ITGA8: variants seen among roughly 807,000 people sequenced by gnomAD.
ITGA8 encodes integrin alpha-8.
In ITGA8, 91 loss-of-function variants were observed where a neutral mutation model predicts 142.3. The ratio of observed to expected loss-of-function variants is 0.64; its 90% CI spans 0.54 to 0.76. The LOEUF (loss-of-function observed/expected upper bound fraction) is 0.76, where lower values mean the gene tolerates loss of function less well. Among genes scored for constraint, ITGA8 ranks in the 30% least tolerant of loss-of-function variants. The probability of loss-of-function intolerance (pLI) is 0.00; values close to 1 mark genes in which losing one functional copy is unlikely to be tolerated. For synonymous variants in ITGA8, 505 were observed against 485.2 expected, an observed-to-expected ratio of 1.04 and a Z score of -0.54; for missense variants, 1,406 against 1,327.7, an observed-to-expected ratio of 1.06 and a Z score of -0.92.
intron 11 of ITGA8, among the ~76,000 whole-genome samples, chr10:15,652,056 C>G (rs1407014050): frequency 6.6e-6 from 1 of 152,138 alleles, no homozygotes; most frequent in Non-Finnish European, 1.5e-5. Flanking sequence ...AAATAGTATG[C>G]ATAGCAATTT....
chr10:15,557,982 A>C (rs1454375024), intron 26 of ITGA8, 92 bp downstream of exon 26: 2 of 1,499,148 alleles, frequency 1.3e-6, no homozygotes, highest in Non-Finnish European at 1.8e-6. Flanking sequence ...AAGGAGACCA[A>C]GAACAATCCT....
intron 29 of ITGA8, 21 bp from the exon 30 acceptor site, chr10:15,517,265 T>C: frequency 6.5e-7 from 1 of 1,527,886 alleles, no homozygotes; most frequent in South Asian, 1.2e-5. Flanking sequence ...AAAGATGGGC[T>C]ATAAAATCAC....
intron 24 of ITGA8, among the ~76,000 whole-genome samples, chr10:15,574,233 T>C (rs1422278977): frequency 6.6e-6 from 1 of 152,262 alleles, no homozygotes; most frequent in Non-Finnish European, 1.5e-5. Context: ...CATCAGCTCC[T>C]TTTTATGCAT....
chr10:15,615,035 A>G (rs1833367635), intron 14 of ITGA8, among the ~76,000 whole-genome samples: 1 of 152,194 alleles, frequency 6.6e-6, no homozygotes, highest in Admixed American at 6.5e-5. Context: ...AGAGTCCTTG[A>G]GCCAAATTTG....
intron 20 of ITGA8, 137 bp downstream of exon 20, chr10:15,604,071 A>G (rs1054982078): frequency 1.3e-6 from 1 of 757,256 alleles, no homozygotes; most frequent in Non-Finnish European, 2.2e-6. Flanking sequence ...CATTGCTGTT[A>G]TGATTTAACA....
At chr10:15,618,164 T>C (rs1384660591) in intron 13 of ITGA8, among the ~76,000 whole-genome samples, 3 of 152,118 alleles carry the variant, frequency 2.0e-5, no homozygotes, top group Admixed American at 1.3e-4. Context: ...GCTAGAAGCC[T>C]AAACCCCTTT....
intron 4 of ITGA8, 78 bp downstream of exon 4, chr10:15,683,926 T>C (rs1386628582): frequency 6.5e-7 from 1 of 1,545,710 alleles, no homozygotes; most frequent in African/African-American, 1.4e-5. Context: ...CAATGGTGTT[T>C]TGAGCCTACC....
intron 23 of ITGA8, among the ~76,000 whole-genome samples, chr10:15,585,974 G>T (rs1307666761): frequency 6.8e-6 from 1 of 147,834 alleles, no homozygotes; most frequent in Non-Finnish European, 1.5e-5. Flanking sequence ...TCACATGGTT[G>T]TCTATTTTAT....
chr10:15,668,331 A>G (rs1834437590), intron 8 of ITGA8, among the ~76,000 whole-genome samples: 1 of 151,840 alleles, frequency 6.6e-6, no homozygotes, highest in African/African-American at 2.4e-5. Flanking sequence ...ATCAGAGACT[A>G]GGATTGCAAC....
rs546925735 is a variant in ITGA8, at chr10:15,649,701, C to T, written c.1002-2650G>A. Reference sequence around the variant, plus strand: ...TGGCAAGCAAGCTTATCAGAAGACACTCAATATAATATGTCGTTAGGAATT... The same window carrying T: ...TGGCAAGCAAGCTTATCAGAAGACATTCAATATAATATGTCGTTAGGAATT... On this transcript the variant is annotated intron_variant, in intron 11 of 29. Coordinates refer to ENST00000378076, the MANE Select transcript of ITGA8 (RefSeq NM_003638.3). Among the ~76,000 whole-genome samples, 7 of 151,532 alleles carry T rather than the reference C, an allele frequency of 4.6e-5. No homozygotes were observed. In the South Asian group the frequency reaches 1.3e-3, roughly 27 times the overall value.
chr10:15,656,514 C>T (rs932343509), intron 10 of ITGA8, among the ~76,000 whole-genome samples: 1 of 151,982 alleles, frequency 6.6e-6, no homozygotes, highest in Non-Finnish European at 1.5e-5. Flanking sequence ...CAGGTACCTG[C>T]CACCATGCCC....
chr10:15,659,421 C>A (rs1372255898), intron 9 of ITGA8, among the ~76,000 whole-genome samples: 1 of 152,154 alleles, frequency 6.6e-6, no homozygotes, highest in Non-Finnish European at 1.5e-5. Flanking sequence ...CATTATGGTT[C>A]TTTGCAAGAA....
intron 23 of ITGA8, among the ~76,000 whole-genome samples, chr10:15,581,373 T>C (rs560933153): frequency 4.6e-5 from 7 of 152,332 alleles, no homozygotes; most frequent in South Asian, 4.1e-4. Flanking sequence ...GGGAGAAGGA[T>C]GGAAACCCTG....
At chr10:15,688,256 A>G (rs1834868623) in intron 2 of ITGA8, among the ~76,000 whole-genome samples, 1 of 149,770 alleles carries the variant, frequency 6.7e-6, no homozygotes, top group Non-Finnish European at 1.5e-5. Flanking sequence ...GAAGTTCAAT[A>G]TCAGCCTGGG....
At chr10:15,594,047 G>A (rs1176030690) in intron 21 of ITGA8, among the ~76,000 whole-genome samples, 9 of 151,780 alleles carry the variant, frequency 5.9e-5, no homozygotes, top group African/African-American at 1.2e-4. Flanking sequence ...TCATCTTGTT[G>A]GCCAGGCTGG....
chr10:15,666,103 T>C (rs1010820047), intron 8 of ITGA8, among the ~76,000 whole-genome samples: 7 of 152,236 alleles, frequency 4.6e-5, no homozygotes, highest in African/African-American at 1.7e-4. Flanking sequence ...ATAAATTACC[T>C]TGGGCAGTAT....
intron 28 of ITGA8, among the ~76,000 whole-genome samples, chr10:15,528,618 A>G (rs1833225353): frequency 1.3e-5 from 2 of 150,696 alleles, no homozygotes; most frequent in Admixed American, 6.7e-5. Context: ...GCAGGCTGTC[A>G]CCTGTGGCCA....
intron 13 of ITGA8, among the ~76,000 whole-genome samples, chr10:15,636,872 C>T (rs930501349): frequency 2.6e-5 from 4 of 152,304 alleles, no homozygotes; most frequent in African/African-American, 9.6e-5. Context: ...AGGTCGGCCA[C>T]GGTGGCTCAC....
At chr10:15,684,587 G>A (rs958957606) in intron 3 of ITGA8, among the ~76,000 whole-genome samples, 2 of 151,896 alleles carry the variant, frequency 1.3e-5, no homozygotes, top group African/African-American at 4.8e-5. Flanking sequence ...TGCTCCAACT[G>A]GTCTCAATCT....
Sources: gnomAD v4.1 joint callset for allele counts (sites outside exome capture counted in the v4.1 genomes callset) on GRCh38, gnomAD v4.1.1 for gene constraint, MANE v1.5 for transcripts, NCBI Gene and HGNC (gene_info 2026-07-23, HGNC 2026-07-21) for gene names.